SH3GL2: variants seen among roughly 807,000 people sequenced by gnomAD.
The protein encoded by SH3GL2 is endophilin-A1.
In SH3GL2, 24 loss-of-function variants were observed where a neutral mutation model predicts 46.0. The ratio of observed to expected loss-of-function variants is 0.52; its 90% confidence interval spans 0.38 to 0.73. The LOEUF (loss-of-function observed/expected upper bound fraction) is 0.73. Among genes scored for constraint, SH3GL2 ranks in the 30% least tolerant of loss-of-function variants. The probability of loss-of-function intolerance (pLI) is 0.00; values close to 1 mark genes in which losing one functional copy is unlikely to be tolerated. For synonymous variants in SH3GL2, 196 were observed against 147.1 expected (o/e 1.33, Z -2.40); for missense variants, 413 against 424.2 (o/e 0.97, Z 0.23).
rs144797245 is a variant in SH3GL2 at position 17,689,502 on chromosome 9, G to A, written c.46-57564G>A. On this transcript the variant is annotated intron_variant, in intron 1 of 8. Transcript: ENST00000380607. ...GGGGACATACACATTTTAAAGCCCA[G>A]TGCAGATGACCCCTCCTTTTGAGTG... Among the ~76,000 whole-genome samples the A allele has an allele frequency of 5.3e-3, 805 of 152,094 alleles. 11 individuals are homozygous for A. Among genetic ancestry groups the A allele is most frequent in the East Asian group, 0.028 (142 of 5,160 alleles).
At chr9:17,652,402 C>G (rs1819978161) in intron 1 of SH3GL2, among the ~76,000 whole-genome samples, 2 of 151,058 alleles carry the variant, frequency 1.3e-5, no homozygotes, top group South Asian at 4.2e-4. Context: ...TTGTTTCTAC[C>G]TTTATTATAT....
intron 2 of SH3GL2, among the ~76,000 whole-genome samples, chr9:17,751,788 A>G (rs1226237737): frequency 2.6e-5 from 4 of 152,062 alleles, no homozygotes; most frequent in Admixed American, 6.6e-5. Context: ...CCCTGAGTGC[A>G]CCCATAATGT....
intron 1 of SH3GL2, among the ~76,000 whole-genome samples, chr9:17,656,262 GATAGAT>G (rs1820074224): frequency 1.3e-5 from 2 of 152,106 alleles, no homozygotes; most frequent in Admixed American, 6.6e-5. Context: ...GTTACCCATG[GATAGAT>G]ATATTAGAGG....
At chr9:17,691,801 G>A (rs1227952118) in intron 1 of SH3GL2, among the ~76,000 whole-genome samples, 1 of 152,018 alleles carries the variant, frequency 6.6e-6, no homozygotes, top group Non-Finnish European at 1.5e-5. Context: ...TATCTTGTCA[G>A]TATTTGATTT....
At chr9:17,604,802 G>A (rs1383629780) in intron 1 of SH3GL2, among the ~76,000 whole-genome samples, 7 of 152,138 alleles carry the variant, frequency 4.6e-5, no homozygotes. Flanking sequence ...GCTCAGCTCT[G>A]ACCTTGGGTT....
At chr9:17,582,721 G>T (rs530462076) in intron 1 of SH3GL2, among the ~76,000 whole-genome samples, 1 of 152,338 alleles carries the variant, frequency 6.6e-6, no homozygotes, top group Non-Finnish European at 1.5e-5. Context: ...CCCACTTCTT[G>T]AGACAAGCAC....
intron 1 of SH3GL2, among the ~76,000 whole-genome samples, chr9:17,633,294 G>A (rs574216212): frequency 6.6e-6 from 1 of 152,124 alleles, no homozygotes; most frequent in Non-Finnish European, 1.5e-5. Flanking sequence ...ATCAGTTGGT[G>A]TTACTGCAAG....
intron 1 of SH3GL2, among the ~76,000 whole-genome samples, chr9:17,682,612 C>T (rs1820801220): frequency 6.6e-6 from 1 of 151,486 alleles, no homozygotes; most frequent in Non-Finnish European, 1.5e-5. Flanking sequence ...CAGCAGACCA[C>T]CATGGTACAC....
chr9:17,592,856 C>T (rs1424611415), intron 1 of SH3GL2, among the ~76,000 whole-genome samples: 1 of 152,088 alleles, frequency 6.6e-6, no homozygotes, highest in Non-Finnish European at 1.5e-5. Context: ...CCAGAAAGAC[C>T]AATGTATGCT....
chr9:17,667,360 T>G (rs1411322384), intron 1 of SH3GL2, among the ~76,000 whole-genome samples: 1 of 152,124 alleles, frequency 6.6e-6, no homozygotes, highest in Non-Finnish European at 1.5e-5. Flanking sequence ...CCATGCCCAC[T>G]GGCACCCACT....
intron 1 of SH3GL2, among the ~76,000 whole-genome samples, chr9:17,741,193 A>G (rs1221425850): frequency 2.6e-5 from 4 of 152,192 alleles, no homozygotes; most frequent in Admixed American, 2.0e-4. Flanking sequence ...TAATATGAGT[A>G]AAATTATGGT....
At chr9:17,625,015 T>C (rs1012894366) in intron 1 of SH3GL2, among the ~76,000 whole-genome samples, 1 of 152,214 alleles carries the variant, frequency 6.6e-6, no homozygotes, top group African/African-American at 2.4e-5. Flanking sequence ...TTTAATTTGT[T>C]TGTAAACCTT....
intron 1 of SH3GL2, among the ~76,000 whole-genome samples, chr9:17,610,430 A>G (rs994960481): frequency 2.0e-5 from 3 of 152,332 alleles, no homozygotes; most frequent in Middle Eastern, 3.4e-3. Context: ...CTCAAAGAGT[A>G]TACAATTTAG....
intron 1 of SH3GL2, among the ~76,000 whole-genome samples, chr9:17,585,461 G>T (rs560010528): frequency 6.6e-6 from 1 of 152,214 alleles, no homozygotes; most frequent in East Asian, 1.9e-4. Context: ...GTTCAGTGAG[G>T]TGTAGCCACA....
At chr9:17,701,316 C>G (rs1588254532) in intron 1 of SH3GL2, among the ~76,000 whole-genome samples, 1 of 152,004 alleles carries the variant, frequency 6.6e-6, no homozygotes, top group Admixed American at 6.6e-5. Flanking sequence ...GCAAAAGTAA[C>G]CAGAAAGTGT....
At chr9:17,753,067 C>T (rs1478856117) in intron 2 of SH3GL2, among the ~76,000 whole-genome samples, 1 of 152,174 alleles carries the variant, frequency 6.6e-6, no homozygotes, top group East Asian at 1.9e-4. Flanking sequence ...CATAGTATTC[C>T]ATGGTGTATA....
chr9:17,647,911 TC>T (rs1819860612), intron 1 of SH3GL2, among the ~76,000 whole-genome samples: 2 of 152,068 alleles, frequency 1.3e-5, no homozygotes, highest in African/African-American at 4.8e-5. Context: ...GTGAGGCCAG[TC>T]CCCCCACCTT....
chr9:17,732,360 A>G (rs1286048082), intron 1 of SH3GL2, among the ~76,000 whole-genome samples: 1 of 152,112 alleles, frequency 6.6e-6, no homozygotes, highest in Non-Finnish European at 1.5e-5. Flanking sequence ...ATTAATTAGA[A>G]ATTGGAAGTT....
In SH3GL2 at chr9:17,681,681, A is replaced by G. The variant is rs139602857; in HGVS notation, c.46-65385A>G. On this transcript the variant is annotated intron_variant, in intron 1 of 8. Coordinates refer to ENST00000380607, the MANE Select transcript of SH3GL2 (RefSeq NM_003026.5). ...GACAAAAATGCCAAAAGCAGTTGCA[A>G]CAAAAGTCAAAATTGGCAAATGGAG... is the stretch of plus-strand genomic sequence containing the variant. Among the ~76,000 whole-genome samples, 6 of 152,338 alleles carry G rather than the reference A, an allele frequency of 3.9e-5. No individual in the cohort carries two copies. In the East Asian group the frequency reaches 1.2e-3, roughly 29 times the overall value.
Sources: allele counts gnomAD v4.1 joint callset (sites outside exome capture counted in the v4.1 genomes callset), GRCh38; gene constraint gnomAD v4.1.1; transcripts MANE v1.5; gene names NCBI Gene and HGNC (gene_info 2026-07-23, HGNC 2026-07-21).